The following HPD variants were observed in gnomAD, a reference collection of about 807,000 sequenced individuals.
The protein encoded by HPD is 4-hydroxyphenylpyruvate dioxygenase.
HPD carries 35 observed loss-of-function variants against 56.9 expected under a neutral mutation model. The observed-to-expected ratio is 0.62, with a 90% CI of 0.47 to 0.82. The LOEUF is 0.82. HPD is among the 40% of genes least tolerant of loss of function. HPD has a pLI of 0.00. For missense variants in HPD, 442 were observed against 506.8 expected, an observed-to-expected ratio of 0.87 and a Z score of 1.23; for synonymous variants, 186 against 200.2, an observed-to-expected ratio of 0.93 and a Z score of 0.60.
intron 3 of HPD, 107 bp from the exon 4 acceptor site, chr12:121,857,539 A>G (rs1222763274): frequency 8.6e-6 from 8 of 934,466 alleles, no homozygotes; most frequent in Non-Finnish European, 1.4e-5. Flanking sequence ...CTATTGCCTC[A>G]GGGGCAGAGA....
chr12:121,843,639 A>G, intron 12 of HPD, 71 bp downstream of exon 12: 1 of 1,587,476 alleles, frequency 6.3e-7, no homozygotes. Context: ...GGCTGAGACA[A>G]TATTTCTGAA....
chr12:121,884,438 C>T, the HPD span, among the ~76,000 whole-genome samples: 5 of 152,118 alleles, frequency 3.3e-5, no homozygotes, highest in South Asian at 2.1e-4. Flanking sequence ...GCCGGGATTA[C>T]GGGCGTGAAC....
At chr12:121,865,355 C>T (rs1006912135), upstream of HPD, among the ~76,000 whole-genome samples, 7 of 151,586 alleles carry the variant, frequency 4.6e-5, no homozygotes, top group East Asian at 2.0e-4. Context: ...CTGCAACCTC[C>T]GCCTCCCGGG....
At chr12:121,849,171 T>G in intron 8 of HPD, 95 bp from the exon 9 acceptor site, 2 of 782,004 alleles carry the variant, frequency 2.6e-6, no homozygotes, top group Non-Finnish European at 4.6e-6. Flanking sequence ...CTCACACTTC[T>G]GTTTTTGGAG....
the HPD span, among the ~76,000 whole-genome samples, chr12:121,885,092 T>C: frequency 6.6e-6 from 1 of 152,004 alleles, no homozygotes; most frequent in South Asian, 2.1e-4. Context: ...GGTTTCACCA[T>C]GTTGGTCAGG....
At chr12:121,885,512 C>A in the HPD span, among the ~76,000 whole-genome samples, 1 of 151,352 alleles carries the variant, frequency 6.6e-6, no homozygotes, top group Non-Finnish European at 1.5e-5. Flanking sequence ...TATCTGTATT[C>A]TTTTCTGAAC....
the HPD span, among the ~76,000 whole-genome samples, chr12:121,885,194 C>G: frequency 6.8e-6 from 1 of 147,276 alleles, no homozygotes; most frequent in African/African-American, 2.6e-5. Context: ...CCCGGCCTTA[C>G]ATATATATCT....
At chr12:121,852,615 T>C (rs948242820) in intron 7 of HPD, among the ~76,000 whole-genome samples, 3 of 142,534 alleles carry the variant, frequency 2.1e-5, no homozygotes, top group East Asian at 2.1e-4. Context: ...AATGACCTCA[T>C]TGGATCCTTT....
chr12:121,852,002 CGTG>C lies in HPD; in HGVS notation c.415-2215_415-2213del, dbSNP rs1877807766. ...CCTCCCAAAGTGCTGGGATTACAGG[CGTG>C]AGCCACCGCGCCCGGCCTATTCATT... On this transcript the variant is annotated intron_variant, in intron 7 of 13. Coordinates refer to ENST00000289004, the MANE Select transcript of HPD (RefSeq NM_002150.3). 5.4e-3 allele frequency among the ~76,000 whole-genome samples: 21 copies of C among 3,920 alleles called. 4 individuals are homozygous for C. Among genetic ancestry groups the C allele is most frequent in the South Asian group, 0.014 (2 of 138 alleles). The allele number at this position is 3,920 out of a possible 152,430, so 2.6% of individuals were successfully genotyped here.
intron 8 of HPD, 43 bp from the exon 9 acceptor site, chr12:121,849,119 C>G: frequency 8.0e-7 from 1 of 1,256,714 alleles, no homozygotes; most frequent in Non-Finnish European, 1.2e-6. Context: ...GGCTACCCCC[C>G]AGATTGCTCC....
At chr12:121,882,134 A>C in the HPD span, among the ~76,000 whole-genome samples, 1 of 151,964 alleles carries the variant, frequency 6.6e-6, no homozygotes, top group Non-Finnish European at 1.5e-5. Context: ...CCAACTCATG[A>C]GCGAGCCTGC....
the HPD span, among the ~76,000 whole-genome samples, chr12:121,881,640 T>G: frequency 1.1e-3 from 166 of 151,702 alleles, no homozygotes; most frequent in African/African-American, 3.5e-3. Flanking sequence ...GACTTTGTTT[T>G]TTTGTTTGTT....
At chr12:121,866,493 A>T (rs1375810557), upstream of HPD, among the ~76,000 whole-genome samples, 2 of 151,868 alleles carry the variant, frequency 1.3e-5, no homozygotes, top group African/African-American at 4.8e-5. Context: ...TGAATTTTCC[A>T]CAGTACAAAA....
chr12:121,875,406 T>TC, the HPD span, among the ~76,000 whole-genome samples: 1 of 151,522 alleles, frequency 6.6e-6, no homozygotes, highest in Non-Finnish European at 1.5e-5. Flanking sequence ...TTCTTTTTTT[T>TC]CTCCCCCTTT....
At chr12:121,863,541 GCTGT>G (rs1156507360), upstream of HPD, 3 of 152,206 alleles carry the variant, frequency 2.0e-5, no homozygotes, top group African/African-American at 7.2e-5. Context: ...CCTTAGTAAG[GCTGT>G]CTGTTAAATG....
At chr12:121,850,629 A>ACG (rs1566571271) in intron 7 of HPD, among the ~76,000 whole-genome samples, 1 of 147,224 alleles carries the variant, frequency 6.8e-6, no homozygotes, top group Non-Finnish European at 1.5e-5. Context: ...GTGTACCACC[A>ACG]TGCCGGGCCC....
At chr12:121,849,186 A>G (rs1232307967) in intron 8 of HPD, 110 bp from the exon 9 acceptor site, 1 of 729,710 alleles carries the variant, frequency 1.4e-6, no homozygotes, top group Non-Finnish European at 2.5e-6. Context: ...TTGGAGTTCT[A>G]TTTTTTTGTA....
At chr12:121,867,288 G>C, upstream of HPD, among the ~76,000 whole-genome samples, 1 of 151,242 alleles carries the variant, frequency 6.6e-6, no homozygotes, top group Non-Finnish European at 1.5e-5. Context: ...GGATGTGGAG[G>C]CTGCAGTGAG....
chr12:121,874,906 C>T, the HPD span, among the ~76,000 whole-genome samples: 2 of 152,030 alleles, frequency 1.3e-5, no homozygotes, highest in Non-Finnish European at 2.9e-5. Flanking sequence ...GGATTACAGG[C>T]ATGTGCCACC....
Sources: allele counts gnomAD v4.1 joint callset (sites outside exome capture counted in the v4.1 genomes callset), GRCh38; gene constraint gnomAD v4.1.1; transcripts MANE v1.5; gene names NCBI Gene and HGNC (gene_info 2026-07-23, HGNC 2026-07-21).